MAST3: variants seen among roughly 807,000 people sequenced by gnomAD.
The protein encoded by MAST3 is microtubule associated serine/threonine kinase 3, also known as microtubule-associated serine/threonine-protein kinase 3.
MAST3 carries 43 observed loss-of-function variants against 127.0 expected under a neutral mutation model. The ratio of observed to expected loss-of-function variants is 0.34; its 90% CI spans 0.27 to 0.44. The LOEUF is 0.44. MAST3 is among the 20% of genes least tolerant of loss of function. MAST3 has a pLI of 1.00. For missense variants in MAST3, 1,390 were observed against 1,919.1 expected, an observed-to-expected ratio of 0.72 and a Z score of 5.15; for synonymous variants, 785 against 809.2, an observed-to-expected ratio of 0.97 and a Z score of 0.51.
chr19:18,138,237 A>C (rs2147588594), intron 19 of MAST3, among the ~76,000 whole-genome samples: 1 of 147,388 alleles, frequency 6.8e-6, no homozygotes, highest in Non-Finnish European at 1.5e-5. Flanking sequence ...AAAGATGCGC[A>C]ATTTTACCTA....
At position 18,144,053 on chromosome 19, in the gene MAST3, C is replaced by T. The variant is rs761162862; in HGVS notation, c.2584+46C>T. 5.2e-6 allele frequency: 8 copies of T among 1,542,770 alleles called. No homozygotes were observed. Among genetic ancestry groups the T allele is most frequent in the Non-Finnish European group, 7.0e-6 (8 of 1,144,366 alleles). ...GAGGGATGATGTCATGGAAGTTTCC[C>T]AGAGGAGGGGCTATTTGAGATGGGT... is the stretch of plus-strand genomic sequence containing the variant. On this transcript the variant is annotated intron_variant, in intron 22 of 27. Transcript: ENST00000687212. This position sits in a 1 kb window ranked among gnomAD's most constrained non-coding sequence, Gnocchi z 4.0.
intron 19 of MAST3, 25 bp downstream of exon 19, chr19:18,137,386 G>T (rs2041989739): frequency 6.2e-7 from 1 of 1,606,376 alleles, no homozygotes; most frequent in African/African-American, 1.3e-5. Context: ...CCCTGGAGGG[G>T]GGGCGGGGGG....
chr19:18,140,413 G>T (rs775870707), intron 20 of MAST3, among the ~76,000 whole-genome samples: 20 of 152,088 alleles, frequency 1.3e-4, no homozygotes, highest in Non-Finnish European at 1.9e-4. Context: ...GTACAATTTC[G>T]TGGCATTCAG....
intron 11 of MAST3, among the ~76,000 whole-genome samples, 165 bp downstream of exon 11, chr19:18,124,939 C>CCCG (rs904252041): frequency 5.2e-5 from 7 of 135,398 alleles, no homozygotes; most frequent in South Asian, 2.5e-4. Flanking sequence ...AAACCCCCCC[C>CCCG]CTACTAAAAA....
chr19:18,103,424 C>T (rs184572315), intron 1 of MAST3, among the ~76,000 whole-genome samples: 1 of 152,106 alleles, frequency 6.6e-6, no homozygotes, highest in East Asian at 1.9e-4. Context: ...GTAATCCCAG[C>T]TTACTTGGGA....
chr19:18,123,892 C>G, intron 8 of MAST3, 47 bp from the exon 9 acceptor site: 1 of 1,510,190 alleles, frequency 6.6e-7, no homozygotes. Flanking sequence ...GCGTGTGTCA[C>G]TCCAGCCCCG....
At chr19:18,120,753 T>C (rs2039874043) in intron 3 of MAST3, among the ~76,000 whole-genome samples, 1 of 151,860 alleles carries the variant, frequency 6.6e-6, no homozygotes, top group Non-Finnish European at 1.5e-5. Flanking sequence ...TGAGACGGAG[T>C]TTCACTCTTG....
At chr19:18,128,281 G>T (rs764928928) in intron 11 of MAST3, 119 bp from the exon 12 acceptor site, 4 of 713,312 alleles carry the variant, frequency 5.6e-6, no homozygotes, top group Non-Finnish European at 9.4e-6. Context: ...ATGAGAGCTG[G>T]TCAGGGGAGG....
Position 18,145,801 on chromosome 19 carries a change from C to G in MAST3, c.3098C>G (p.Thr1033Ser). The G allele has an allele frequency of 6.3e-7, 1 of 1,591,652 alleles. No homozygotes were observed. Among genetic ancestry groups the G allele is most frequent in the South Asian group, 1.1e-5 (1 of 88,234 alleles). ...EAGLRAGDLI[T>S]HINGESVLGL... ...GGCCTGCGGGCTGGGGACCTCATCA[C>G]CCACATCAACGGGGAGTCAGTGCTG... Residue 1033 changes from threonine (T) to serine (S), a missense_variant, in exon 25 of 28, where the codon ACC becomes AGC. By Grantham distance (58) the Thr-to-Ser change is moderately conservative. Around this residue, in one of 5 missense-constraint regions of MAST3, gnomAD observed 816 missense variants for 934.1 expected, o/e 0.87. Coordinates refer to ENST00000687212, the MANE Select transcript of MAST3 (RefSeq NM_001393504.1). The surrounding 1 kb of genome is among the most constrained non-coding windows in gnomAD (Gnocchi z 5.9).
intron 14 of MAST3, among the ~76,000 whole-genome samples, chr19:18,131,241 C>T (rs1446531194): frequency 6.6e-6 from 1 of 151,964 alleles, no homozygotes. Flanking sequence ...CATGGCGAAA[C>T]CCCCATTCAC....
At chr19:18,109,353 G>C (rs959694865) in intron 2 of MAST3, among the ~76,000 whole-genome samples, 1 of 152,162 alleles carries the variant, frequency 6.6e-6, no homozygotes, top group Non-Finnish European at 1.5e-5. Flanking sequence ...GGGTTGCTGG[G>C]GGACTGGGAC....
chr19:18,141,373 C>CTTTTTTT (rs1258607951), intron 20 of MAST3, among the ~76,000 whole-genome samples: 4 of 16,372 alleles, frequency 2.4e-4, no homozygotes, highest in Non-Finnish European at 4.3e-4. Flanking sequence ...ACTAAGCCAG[C>CTTTTTTT]TTTCTTTTTT....
At chr19:18,101,754 G>T (rs113555734) in intron 1 of MAST3, among the ~76,000 whole-genome samples, 1,557 of 151,540 alleles carry the variant, frequency 0.01, 17 homozygotes, top group Non-Finnish European at 0.017. Context: ...GGATACAAGC[G>T]ATTCTCACAG....
intron 1 of MAST3, among the ~76,000 whole-genome samples, chr19:18,106,791 G>A (rs2038103220): frequency 6.6e-6 from 1 of 151,036 alleles, no homozygotes; most frequent in South Asian, 2.1e-4. Flanking sequence ...GGCTGGTCTT[G>A]AACTCCCGAC....
rs747775627 is a variant in MAST3 at position 18,131,581 on chromosome 19, C to G, written c.1433-328C>G. ...GGGTGTGGTGGTGTGCGCCTGTAAT[C>G]CCAGCTACTCTGGAGGCTGGGGCAG... On this transcript the variant is annotated intron_variant, in intron 14 of 27. Coordinates refer to ENST00000687212, the MANE Select transcript of MAST3 (RefSeq NM_001393504.1). Among the ~76,000 whole-genome samples the G allele has an allele frequency of 5.1e-5, 7 of 137,764 alleles. 1 individual carries two copies. The highest frequency in any genetic ancestry group is 1.1e-4 in the Non-Finnish European group (7 of 61,856). 90.4% of individuals were successfully genotyped at this position (137,764 alleles called of 152,430 possible). A position where few individuals can be genotyped will look rare whatever the true frequency, so the allele number is the denominator to read the frequency against.
chr19:18,112,582 G>A lies in MAST3; in HGVS notation c.161+1841G>A, dbSNP rs139545418. On this transcript the variant is annotated intron_variant, in intron 3 of 27. Transcript: ENST00000687212. The surrounding 1 kb of genome is among the most constrained non-coding windows in gnomAD (Gnocchi z 4.1). Reference sequence around the variant, plus strand: ...GCTCCCGACCTCAAGTGATTCTCCCGCCTTGGCCTCTCAAAGTGCTGGGAT... The same window carrying A: ...GCTCCCGACCTCAAGTGATTCTCCCACCTTGGCCTCTCAAAGTGCTGGGAT... 0.012 allele frequency among the ~76,000 whole-genome samples: 1,817 copies of A among 152,228 alleles called. 42 individuals are homozygous for A. The highest frequency in any genetic ancestry group is 0.04 in the African/African-American group (1,650 of 41,514).
At chr19:18,123,687 T>G (rs766023496) in intron 8 of MAST3, 32 bp downstream of exon 8, 1 of 1,493,044 alleles carries the variant, frequency 6.7e-7, no homozygotes, top group Admixed American at 2.3e-5. Context: ...GACCAGCCCC[T>G]GCACTTCTTT....
intron 1 of MAST3, among the ~76,000 whole-genome samples, chr19:18,100,624 G>T (rs1047473639): frequency 2.6e-5 from 4 of 152,218 alleles, no homozygotes; most frequent in Non-Finnish European, 5.9e-5. Flanking sequence ...CGAGTGGTCA[G>T]TGCTATTATT....
chr19:18,128,632 G>A lies in MAST3; in HGVS notation c.1137+174G>A, dbSNP rs1265929627. On this transcript the variant is annotated intron_variant, in intron 12 of 27. Transcript: ENST00000687212. ...TGCCCTGCCTTGGAAGTCGGGTGGG[G>A]GCAGTGCTGGAGGGGCACTGGACAG... 2.0e-5 allele frequency among the ~76,000 whole-genome samples: 3 copies of A among 152,244 alleles called. No homozygotes were observed. The South Asian group carries it at 6.2e-4, about 32-fold the overall frequency.
Sources: allele counts gnomAD v4.1 joint callset (sites outside exome capture counted in the v4.1 genomes callset), GRCh38; gene constraint gnomAD v4.1.1; regional missense constraint gnomAD v4.1.1; non-coding constraint Gnocchi (gnomAD v3.1); transcripts MANE v1.5; gene names NCBI Gene and HGNC (gene_info 2026-07-23, HGNC 2026-07-21).